DCBLD1: variants seen among roughly 807,000 people sequenced by gnomAD.
DCBLD1 encodes the protein discoidin, CUB and LCCL domain containing 1, also known as discoidin, CUB and LCCL domain-containing protein 1.
A neutral mutation model predicts 71.5 loss-of-function variants in DCBLD1; 57 were observed. The ratio of observed to expected loss-of-function variants is 0.80; its 90% CI spans 0.64 to 0.99. DCBLD1 has a LOEUF of 0.99. Among genes scored for constraint, DCBLD1 ranks in the 50% least tolerant of loss-of-function variants. DCBLD1 has a pLI of 0.00. For missense variants in DCBLD1, 891 were observed against 923.5 expected, an observed-to-expected ratio of 0.96 and a Z score of 0.46; for synonymous variants, 380 against 363.8, an observed-to-expected ratio of 1.04 and a Z score of -0.51.
At chr6:117,514,288 G>C (rs796785076) in intron 2 of DCBLD1, among the ~76,000 whole-genome samples, 2 of 152,246 alleles carry the variant, frequency 1.3e-5, no homozygotes, top group African/African-American at 4.8e-5. Flanking sequence ...TCTGATGTTT[G>C]TGATTATGAT....
chr6:117,532,931 T>C (rs1469259645), intron 6 of DCBLD1, among the ~76,000 whole-genome samples: 1 of 152,208 alleles, frequency 6.6e-6, no homozygotes, highest in African/African-American at 2.4e-5. Flanking sequence ...AGAAAAAAAA[T>C]GTGTTAAGTG....
At chr6:117,568,530 A>C (rs1779743875) in intron 14 of DCBLD1, among the ~76,000 whole-genome samples, 1 of 152,238 alleles carries the variant, frequency 6.6e-6, no homozygotes, top group Non-Finnish European at 1.5e-5. Flanking sequence ...ATGACAGTCA[A>C]GATGGATTGA....
rs1313452855 is a variant in DCBLD1, at chr6:117,548,255, C to T, written c.1964C>T (p.Pro655Leu). The change falls in exon 15 of 15, where the codon CCA becomes CTA. Residue 655 changes from proline (P) to leucine (L), a missense_variant. Pro to Leu is a moderately conservative substitution (Grantham distance 98, BLOSUM62 -3). Coordinates refer to ENST00000338728, the MANE Select transcript of DCBLD1 (RefSeq NM_001366458.2). ...VGAQDGDYQR[P>L]HSAQPADRGY... is the part of the protein sequence containing the mutation. ...GCCCAGGACGGAGACTATCAAAGGCCACACAGCGCACAGCCTGCGGACAGG... is the reference window on the plus strand; with the variant it reads ...GCCCAGGACGGAGACTATCAAAGGCTACACAGCGCACAGCCTGCGGACAGG... The T allele has an allele frequency of 1.3e-6, 2 of 1,550,530 alleles. No individual in the cohort carries two copies. The highest frequency in any genetic ancestry group is 2.7e-5 in the African/African-American group (2 of 73,066).
chr6:117,504,389 G>C (rs1429036620), intron 2 of DCBLD1, among the ~76,000 whole-genome samples: 1 of 152,198 alleles, frequency 6.6e-6, no homozygotes, highest in Admixed American at 6.5e-5. Context: ...TTGCATCTGT[G>C]GGGAGAGGAA....
chr6:117,496,856 A>G (rs760129621), intron 1 of DCBLD1, among the ~76,000 whole-genome samples: 2 of 152,240 alleles, frequency 1.3e-5, no homozygotes, highest in Admixed American at 6.5e-5. Flanking sequence ...AGTGCATTAC[A>G]TGTAATAAAA....
At chr6:117,566,522 C>G (rs1779700875) in intron 14 of DCBLD1, among the ~76,000 whole-genome samples, 1 of 152,126 alleles carries the variant, frequency 6.6e-6, no homozygotes, top group Non-Finnish European at 1.5e-5. Flanking sequence ...TCAAGACAGA[C>G]AGACAATGTA....
At chr6:117,491,872 A>G (rs1388160486) in intron 1 of DCBLD1, among the ~76,000 whole-genome samples, 5 of 152,122 alleles carry the variant, frequency 3.3e-5, no homozygotes, top group African/African-American at 1.2e-4. Flanking sequence ...GGTGCGCTAT[A>G]CCTGTATTTC....
chr6:117,524,968 C>A (rs576317512), intron 4 of DCBLD1, among the ~76,000 whole-genome samples: 1 of 152,170 alleles, frequency 6.6e-6, no homozygotes, highest in African/African-American at 2.4e-5. Context: ...GGATATTCTT[C>A]TTTGTCTTTT....
At chr6:117,564,890 T>G (rs1484759560) in intron 14 of DCBLD1, among the ~76,000 whole-genome samples, 2 of 152,204 alleles carry the variant, frequency 1.3e-5, no homozygotes, top group Non-Finnish European at 2.9e-5. Flanking sequence ...GCAGACAGTT[T>G]ACAACACACA....
chr6:117,495,047 G>A (rs140681323), intron 1 of DCBLD1, among the ~76,000 whole-genome samples: 1 of 152,316 alleles, frequency 6.6e-6, no homozygotes, highest in East Asian at 1.9e-4. Context: ...CTCTTTTGAG[G>A]AGGGTGAGGG....
chr6:117,553,082 A>C (rs534104106), downstream of DCBLD1, among the ~76,000 whole-genome samples: 1 of 152,316 alleles, frequency 6.6e-6, no homozygotes, highest in South Asian at 2.1e-4. Context: ...GGAACATTGC[A>C]GAACTATTCA....
chr6:117,538,503 C>G, intron 7 of DCBLD1, 117 bp from the exon 8 acceptor site: 2 of 927,358 alleles, frequency 2.2e-6, no homozygotes, highest in South Asian at 1.7e-5. Context: ...ACACTTTATT[C>G]CATATCAGAA....
At chr6:117,490,071 T>G (rs1313251561) in intron 1 of DCBLD1, among the ~76,000 whole-genome samples, 2 of 146,496 alleles carry the variant, frequency 1.4e-5, no homozygotes, top group African/African-American at 5.2e-5. Context: ...CATGTTTTAG[T>G]TCTATATATT....
intron 11 of DCBLD1, among the ~76,000 whole-genome samples, chr6:117,541,377 TA>T (rs962263637): frequency 1.3e-5 from 2 of 151,740 alleles, no homozygotes; most frequent in African/African-American, 4.8e-5. Flanking sequence ...AGTGGCAACT[TA>T]AAAAAAATAA....
At chr6:117,500,478 C>A (rs1562433786) in intron 1 of DCBLD1, among the ~76,000 whole-genome samples, 1 of 152,180 alleles carries the variant, frequency 6.6e-6, no homozygotes. Context: ...TTTGAACTTG[C>A]CTGCATTGTG....
chr6:117,534,311 A>C (rs1015277716), intron 6 of DCBLD1, among the ~76,000 whole-genome samples: 2 of 152,250 alleles, frequency 1.3e-5, no homozygotes, highest in African/African-American at 4.8e-5. Flanking sequence ...TTTTCAGAAC[A>C]TTAAATTTTA....
At chr6:117,527,193 T>C (rs1778573369) in intron 5 of DCBLD1, among the ~76,000 whole-genome samples, 1 of 152,186 alleles carries the variant, frequency 6.6e-6, no homozygotes, top group Non-Finnish European at 1.5e-5. Context: ...TCTTATATAA[T>C]GTTATCATGG....
At chr6:117,503,546 A>G (rs1212832225) in intron 1 of DCBLD1, 1 of 560,802 alleles carries the variant, frequency 1.8e-6, no homozygotes. Flanking sequence ...AATGTGTGAA[A>G]TGTTTTGATC....
intron 12 of DCBLD1, 175 bp from the exon 13 acceptor site, chr6:117,544,353 T>C (rs1779194989): frequency 2.0e-6 from 1 of 499,388 alleles, no homozygotes; most frequent in Non-Finnish European, 3.4e-6. Flanking sequence ...GAGATAAATT[T>C]ATAGATAATT....
Sources: gnomAD v4.1 joint callset for allele counts (sites outside exome capture counted in the v4.1 genomes callset) on GRCh38, gnomAD v4.1.1 for gene constraint, MANE v1.5 for transcripts, NCBI Gene and HGNC (gene_info 2026-07-23, HGNC 2026-07-21) for gene names.